Variants in DIPK1A observed in about 807,000 individuals in gnomAD.
The protein encoded by DIPK1A is family with sequence similarity 69 member A.
DIPK1A carries 27 observed loss-of-function variants against 40.8 expected under a neutral mutation model. The ratio of observed to expected loss-of-function variants is 0.66; its 90% CI spans 0.49 to 0.91. The LOEUF (loss-of-function observed/expected upper bound fraction) is 0.91, where lower values mean the gene tolerates loss of function less well. Among genes scored for constraint, DIPK1A ranks in the 40% least tolerant of loss-of-function variants. DIPK1A has a pLI of 0.00. For synonymous variants in DIPK1A, 166 were observed against 171.3 expected (o/e 0.97, Z 0.24); for missense variants, 412 against 505.7 (o/e 0.81, Z 1.78).
At chr1:92,853,915 C>A (rs980026823) in intron 2 of DIPK1A, among the ~76,000 whole-genome samples, 2 of 152,142 alleles carry the variant, frequency 1.3e-5, no homozygotes, top group African/African-American at 4.8e-5. Flanking sequence ...GAGACAGAGT[C>A]TCACTCTGTT....
chr1:92,889,794 T>C (rs536158148), intron 1 of DIPK1A, among the ~76,000 whole-genome samples: 2 of 152,188 alleles, frequency 1.3e-5, no homozygotes, highest in African/African-American at 4.8e-5. Context: ...ACTACAGACA[T>C]GTTCCACCAT....
At chr1:92,948,847 C>T (rs1044609402) in intron 1 of DIPK1A, among the ~76,000 whole-genome samples, 1 of 150,120 alleles carries the variant, frequency 6.7e-6, no homozygotes, top group Non-Finnish European at 1.5e-5. Flanking sequence ...TCTTGTTGCC[C>T]AGGCTGGAGT....
Position 92,961,290 on chromosome 1 carries a change from G to A in DIPK1A, c.54+86C>T, listed in dbSNP as rs1257577970. 6 of 1,004,882 alleles carry A rather than the reference G, an allele frequency of 6.0e-6. No homozygotes were observed. In the South Asian group the frequency reaches 6.4e-5, roughly 11 times the overall value. 62.2% of individuals were successfully genotyped at this position (1,004,882 alleles called of 1,614,324 possible). On this transcript the variant is annotated intron_variant, in intron 1 of 4. Transcript: ENST00000370310. ...GGCGGGCACAGACCCAGGGAGGGAG[G>A]AGGGGAGCGGGCGAGTCCTGCGCGG...
downstream of DIPK1A, among the ~76,000 whole-genome samples, chr1:92,841,436 T>TA (rs1428158432): frequency 3.3e-5 from 5 of 152,308 alleles, no homozygotes; most frequent in Admixed American, 6.5e-5. Context: ...TATTAATATA[T>TA]AGTGCTGCAA....
rs574546327 is a variant in DIPK1A, at chr1:92,834,896, C to T, written c.475-1862G>A. 3 of 1,602,168 alleles carry T rather than the reference C, an allele frequency of 1.9e-6. No individual in the cohort carries two copies. The Admixed American group carries it at 5.0e-5, about 27-fold the overall frequency. On this transcript the variant is annotated intron_variant, in intron 4 of 4. Transcript: ENST00000615519. Reference sequence around the variant, plus strand: ...TTATGCTGCAGCATATTGTACTGGCCTGCTGCTGGCCCGCAGGGTATGTAC... The same window carrying T: ...TTATGCTGCAGCATATTGTACTGGCTTGCTGCTGGCCCGCAGGGTATGTAC...
chr1:92,921,502 G>T (rs1650267402), intron 1 of DIPK1A, among the ~76,000 whole-genome samples: 1 of 152,186 alleles, frequency 6.6e-6, no homozygotes, highest in Non-Finnish European at 1.5e-5. Flanking sequence ...TGCTAGTCGG[G>T]AGTAAAACAA....
intron 1 of DIPK1A, among the ~76,000 whole-genome samples, chr1:92,922,711 G>T (rs1009568181): frequency 3.9e-5 from 6 of 152,112 alleles, no homozygotes; most frequent in African/African-American, 1.4e-4. Context: ...TTGTTCATTT[G>T]TTTTAGTTCT....
chr1:92,844,266 A>G lies in DIPK1A; in HGVS notation c.475-71T>C, dbSNP rs912278214. 113 of 946,306 alleles carry G rather than the reference A, an allele frequency of 1.2e-4. 1 individual carries two copies. Among genetic ancestry groups the G allele is most frequent in the African/African-American group, 3.3e-5 (2 of 60,060 alleles). 58.6% of individuals were successfully genotyped at this position (946,306 alleles called of 1,614,324 possible). ...CCCATGCAACATACTAAGTTTCTTT[A>G]CGGGCATTATTAACCATGCCAGAAA... On this transcript the variant is annotated intron_variant, in intron 4 of 4. Coordinates refer to ENST00000370310, the MANE Select transcript of DIPK1A (RefSeq NM_001006605.5).
intron 1 of DIPK1A, among the ~76,000 whole-genome samples, chr1:92,896,027 A>G (rs1403553522): frequency 6.6e-6 from 1 of 152,192 alleles, no homozygotes; most frequent in Non-Finnish European, 1.5e-5. Context: ...ATGGAAGAAC[A>G]TTCCATGCTC....
chr1:92,882,556 G>C (rs1031875240), intron 1 of DIPK1A, among the ~76,000 whole-genome samples: 12 of 152,124 alleles, frequency 7.9e-5, no homozygotes, highest in Non-Finnish European at 1.5e-4. Flanking sequence ...TTGATTGCTT[G>C]AACTTTACAC....
At chr1:92,930,539 T>C (rs1272901090) in intron 1 of DIPK1A, among the ~76,000 whole-genome samples, 1 of 152,234 alleles carries the variant, frequency 6.6e-6, no homozygotes, top group Non-Finnish European at 1.5e-5. Context: ...TAACTCTCCT[T>C]AGCCTTCAGG....
At position 92,842,307 on chromosome 1, in the gene DIPK1A, T is replaced by C; in HGVS notation, c.*1076A>G. The C allele has an allele frequency of 2.0e-6, 2 of 986,344 alleles. No individual in the cohort carries two copies. The highest frequency in any genetic ancestry group is 1.2e-6 in the Non-Finnish European group (1 of 830,544). The allele number at this position is 986,344 out of a possible 1,614,324, so 61.1% of individuals were successfully genotyped here. On this transcript the variant is annotated 3_prime_UTR_variant, in exon 5 of 5. Transcript: ENST00000370310. ...GTGATGGTCACATAGATTTTTAACA[T>C]GTTCCACTTTAGGTAGGCGAAACCT...
At chr1:92,911,472 TGAA>T (rs1239929528) in intron 1 of DIPK1A, among the ~76,000 whole-genome samples, 1 of 152,214 alleles carries the variant, frequency 6.6e-6, no homozygotes, top group Non-Finnish European at 1.5e-5. Flanking sequence ...TACAGCAGCC[TGAA>T]GAGACTAAGA....
At chr1:92,883,847 C>T (rs1263937930) in intron 1 of DIPK1A, among the ~76,000 whole-genome samples, 1 of 152,060 alleles carries the variant, frequency 6.6e-6, no homozygotes, top group Non-Finnish European at 1.5e-5. Flanking sequence ...ACTGAGGGGT[C>T]TTCTTTGGAG....
At chr1:92,855,819 C>T (rs1275361497) in intron 2 of DIPK1A, among the ~76,000 whole-genome samples, 1 of 151,886 alleles carries the variant, frequency 6.6e-6, no homozygotes, top group African/African-American at 2.4e-5. Flanking sequence ...TGGCTCACGT[C>T]GATAATCCCC....
At chr1:92,872,266 G>C (rs1410765796) in intron 2 of DIPK1A, among the ~76,000 whole-genome samples, 1 of 151,558 alleles carries the variant, frequency 6.6e-6, no homozygotes, top group Non-Finnish European at 1.5e-5. Context: ...ATTTTTAGTA[G>C]AGACAGGTTT....
intron 1 of DIPK1A, among the ~76,000 whole-genome samples, chr1:92,925,796 G>A (rs1650481613): frequency 1.3e-5 from 2 of 152,006 alleles, no homozygotes; most frequent in Admixed American, 1.3e-4. Flanking sequence ...GCCAGGCCAA[G>A]ACTATTCAGT....
At chr1:92,837,802 C>G, downstream of DIPK1A, 3 of 636,270 alleles carry the variant, frequency 4.7e-6, no homozygotes, top group Non-Finnish European at 8.3e-6. Context: ...TGGGAGACTT[C>G]AAGCATCTGA....
chr1:92,948,020 T>C (rs1321418149), intron 1 of DIPK1A, among the ~76,000 whole-genome samples: 1 of 152,240 alleles, frequency 6.6e-6, no homozygotes, highest in East Asian at 1.9e-4. Flanking sequence ...AATAATTTAT[T>C]GCATATTTTC....
Sources: gnomAD v4.1 joint callset for allele counts (sites outside exome capture counted in the v4.1 genomes callset) on GRCh38, gnomAD v4.1.1 for gene constraint, MANE v1.5 for transcripts, NCBI Gene and HGNC (gene_info 2026-07-23, HGNC 2026-07-21) for gene names.